PCDH15: variants seen among roughly 807,000 people sequenced by gnomAD.
The protein encoded by PCDH15 is protocadherin related 15, also known as protocadherin-15.
PCDH15 carries 129 observed loss-of-function variants against 178.5 expected under a neutral mutation model. That is an observed-to-expected ratio of 0.72 (90% CI 0.63 to 0.84). The LOEUF (loss-of-function observed/expected upper bound fraction) is 0.84. PCDH15 is among the 40% of genes least tolerant of loss of function. PCDH15 has a pLI of 0.00. For synonymous variants in PCDH15, 800 were observed against 732.0 expected (o/e 1.09, Z -1.50); for missense variants, 2,230 against 2,099.9 (o/e 1.06, Z -1.21).
At chr10:54,743,248 T>C (rs1945037745) in intron 1 of PCDH15, among the ~76,000 whole-genome samples, 1 of 152,102 alleles carries the variant, frequency 6.6e-6, no homozygotes, top group South Asian at 2.1e-4. Flanking sequence ...TGTAGATTCA[T>C]CTTTTTATTC....
intron 2 of PCDH15, among the ~76,000 whole-genome samples, chr10:54,648,531 C>A (rs546846401): frequency 4.6e-5 from 7 of 152,074 alleles, no homozygotes; most frequent in African/African-American, 1.4e-4. Context: ...TAAAGCTATG[C>A]AATTTTGTAT....
chr10:54,344,904 C>CCAAAAAAAAAAAAAAAAAAAAA (rs58908008), intron 6 of PCDH15, among the ~76,000 whole-genome samples: 3 of 78,886 alleles, frequency 3.8e-5, no homozygotes, highest in East Asian at 7.1e-4. Flanking sequence ...AGAAACAAAG[C>CCAAAAAAAAAAAAAAAAAAAAA]AAAAAAAAAA....
chr10:54,541,938 A>G (rs1232800473), intron 2 of PCDH15, among the ~76,000 whole-genome samples: 1 of 152,202 alleles, frequency 6.6e-6, no homozygotes, highest in Admixed American at 6.5e-5. Flanking sequence ...GAGTACTTTG[A>G]CTACTAAATA....
intron 29 of PCDH15, among the ~76,000 whole-genome samples, chr10:53,835,994 T>A (rs1203568096): frequency 6.6e-6 from 1 of 151,954 alleles, no homozygotes. Flanking sequence ...GACCTTTATC[T>A]CAGATGAAAC....
At chr10:55,028,602 G>A (rs1840532884) in intron 2 of PCDH15, among the ~76,000 whole-genome samples, 2 of 151,790 alleles carry the variant, frequency 1.3e-5, no homozygotes, top group Admixed American at 6.6e-5. Flanking sequence ...TCCAGACTTC[G>A]CATTTTTTTT....
intron 1 of PCDH15, among the ~76,000 whole-genome samples, chr10:54,748,321 T>C (rs1945745757): frequency 6.6e-6 from 1 of 152,208 alleles, no homozygotes; most frequent in Admixed American, 6.5e-5. Context: ...TTAGTTTAGA[T>C]TTTATTACTT....
At chr10:54,425,021 A>G (rs552133978) in intron 3 of PCDH15, among the ~76,000 whole-genome samples, 154 of 151,862 alleles carry the variant, frequency 1.0e-3, no homozygotes, top group African/African-American at 3.6e-3. Flanking sequence ...AAAAAAAAAA[A>G]AAAGAAAAGA....
chr10:54,616,683 T>G (rs1047564701), intron 2 of PCDH15, among the ~76,000 whole-genome samples: 11 of 152,044 alleles, frequency 7.2e-5, no homozygotes, highest in African/African-American at 2.7e-4. Flanking sequence ...AAGACACTTG[T>G]TTAGTTGGCG....
intron 1 of PCDH15, among the ~76,000 whole-genome samples, chr10:54,724,905 TATAG>T (rs943803546): frequency 0.022 from 196 of 8,794 alleles, no homozygotes; most frequent in Middle Eastern, 0.12. Context: ...TACATATATA[TATAG>T]ATATAGATAT....
chr10:53,899,583 CA>C (rs562324964), intron 26 of PCDH15, among the ~76,000 whole-genome samples: 14 of 151,618 alleles, frequency 9.2e-5, no homozygotes, highest in Non-Finnish European at 1.2e-4. Flanking sequence ...TATCATGGAC[CA>C]AAAAAAATTA....
intron 11 of PCDH15, among the ~76,000 whole-genome samples, chr10:54,189,059 T>G (rs1474176662): frequency 6.6e-6 from 1 of 152,002 alleles, no homozygotes; most frequent in African/African-American, 2.4e-5. Context: ...TGTTGTGGAC[T>G]GAGAAAACAT....
chr10:54,041,096 A>T (rs540403016), intron 18 of PCDH15, among the ~76,000 whole-genome samples: 1 of 152,208 alleles, frequency 6.6e-6, no homozygotes, highest in Admixed American at 6.6e-5. Flanking sequence ...GAAAGAAAGC[A>T]AGAAAGTTGG....
intron 11 of PCDH15, chr10:54,189,227 T>C (rs1269260390): frequency 1.7e-5 from 9 of 529,784 alleles, no homozygotes; most frequent in Admixed American, 1.1e-4. Flanking sequence ...TTTAAATTTA[T>C]ATAAAGTATT....
At chr10:53,909,082 G>T (rs974133439) in intron 25 of PCDH15, among the ~76,000 whole-genome samples, 1 of 152,094 alleles carries the variant, frequency 6.6e-6, no homozygotes, top group Non-Finnish European at 1.5e-5. Context: ...CTCACGTATC[G>T]ACGGAAGAAC....
intron 2 of PCDH15, among the ~76,000 whole-genome samples, chr10:55,139,780 T>C (rs1363939253): frequency 6.6e-6 from 1 of 151,930 alleles, no homozygotes; most frequent in Admixed American, 6.6e-5. Context: ...TTTGCTTCTA[T>C]AAATAAACTT....
chr10:54,829,167 T>C (rs1953181471), intron 3 of PCDH15, among the ~76,000 whole-genome samples: 1 of 151,958 alleles, frequency 6.6e-6, no homozygotes, highest in South Asian at 2.1e-4. Flanking sequence ...ATTGCAATGT[T>C]TTAAAAGAAT....
At chr10:54,629,223 TA>T (rs970498109) in intron 2 of PCDH15, among the ~76,000 whole-genome samples, 1 of 152,212 alleles carries the variant, frequency 6.6e-6, no homozygotes, top group Admixed American at 6.5e-5. Flanking sequence ...GGCAATTACT[TA>T]AAAAAAGTTA....
At chr10:54,237,449 G>T (rs962943595) in intron 8 of PCDH15, among the ~76,000 whole-genome samples, 2 of 151,974 alleles carry the variant, frequency 1.3e-5, no homozygotes, top group African/African-American at 2.4e-5. Context: ...TTTAAATATT[G>T]CAGGTATTTA....
chr10:55,443,177 C>T (rs760076191), intron 2 of PCDH15, among the ~76,000 whole-genome samples: 1 of 151,978 alleles, frequency 6.6e-6, no homozygotes, highest in Non-Finnish European at 1.5e-5. Context: ...GACCTAAAAC[C>T]ATAAAACCCT....
Sources: allele counts gnomAD v4.1 joint callset (sites outside exome capture counted in the v4.1 genomes callset), GRCh38; gene constraint gnomAD v4.1.1; transcripts MANE v1.5; gene names NCBI Gene and HGNC (gene_info 2026-07-23, HGNC 2026-07-21).